Variants in TBC1D32 observed in about 807,000 individuals in gnomAD.
TBC1D32 encodes TBC1 domain family member 32, also known as protein broad-minded.
In TBC1D32, 151 loss-of-function variants were observed where a neutral mutation model predicts 170.3. That is an observed-to-expected ratio of 0.89 (90% CI 0.78 to 1.01). The LOEUF (loss-of-function observed/expected upper bound fraction) is 1.01, where lower values mean the gene tolerates loss of function less well. Ranked by LOEUF, TBC1D32 falls within the 50% of genes least tolerant of loss-of-function variation. TBC1D32 has a pLI of 0.00. For missense variants in TBC1D32, 1,464 were observed against 1,457.1 expected (o/e 1.00, Z -0.08); for synonymous variants, 498 against 488.0 (o/e 1.02, Z -0.27).
At chr6:121,256,963 T>C (rs139401871) in intron 15 of TBC1D32, among the ~76,000 whole-genome samples, 1,881 of 152,206 alleles carry the variant, frequency 0.012, 38 homozygotes, top group African/African-American at 0.043. Context: ...TGAGCCACCA[T>C]GCCCGGCCGG....
At chr6:121,244,605 T>C (rs998947561) in intron 17 of TBC1D32, among the ~76,000 whole-genome samples, 1 of 152,224 alleles carries the variant, frequency 6.6e-6, no homozygotes, top group Non-Finnish European at 1.5e-5. Context: ...TTTTCATTTT[T>C]ATTCATGCAC....
chr6:121,291,934 T>C lies in TBC1D32; in HGVS notation c.1372+119A>G, dbSNP rs185301308. ...CAAAGTGTATAAGCTATCAATAGAC[T>C]AAAAGGTATGTAGCTAAGTACCGTA... On this transcript the variant is annotated intron_variant, in intron 12 of 31. Coordinates refer to ENST00000398212, the MANE Select transcript of TBC1D32 (RefSeq NM_152730.6). 83 of 1,095,004 alleles carry C rather than the reference T, an allele frequency of 7.6e-5. 1 individual carries two copies. In the African/African-American group the frequency reaches 1.3e-3, roughly 17 times the overall value. The allele number at this position is 1,095,004 out of a possible 1,614,324, so 67.8% of individuals were successfully genotyped here. A position where few individuals can be genotyped will look rare whatever the true frequency, so the allele number is the denominator to read the frequency against.
intron 22 of TBC1D32, among the ~76,000 whole-genome samples, chr6:121,174,117 C>T (rs891914756): frequency 7.9e-5 from 12 of 151,334 alleles, no homozygotes; most frequent in African/African-American, 2.9e-4. Context: ...CATGAGCTGG[C>T]AGAGCTAAGG....
chr6:121,308,981 C>G (rs1034418271), intron 4 of TBC1D32, among the ~76,000 whole-genome samples: 3 of 152,086 alleles, frequency 2.0e-5, no homozygotes, highest in Non-Finnish European at 4.4e-5. Flanking sequence ...ACTGAAACAA[C>G]TAAAGCCTAG....
chr6:121,236,473 A>G lies in TBC1D32; in HGVS notation c.2364+2597T>C, dbSNP rs550482765. On this transcript the variant is annotated intron_variant, in intron 20 of 31. Coordinates refer to ENST00000398212, the MANE Select transcript of TBC1D32 (RefSeq NM_152730.6). ...GTATCTAGTTATATATCGAAACTACATAACTGTTTTCCACAATTTAAAAGA... is the reference window on the plus strand; with the variant it reads ...GTATCTAGTTATATATCGAAACTACGTAACTGTTTTCCACAATTTAAAAGA... 4.2e-4 allele frequency among the ~76,000 whole-genome samples: 64 copies of G among 152,252 alleles called. 4 individuals are homozygous for G. In the South Asian group the frequency reaches 0.013, roughly 31 times the overall value.
chr6:121,262,066 C>T (rs1799836916), intron 15 of TBC1D32, among the ~76,000 whole-genome samples: 1 of 151,942 alleles, frequency 6.6e-6, no homozygotes, highest in African/African-American at 2.4e-5. Flanking sequence ...TGAAATAAGG[C>T]AGGCTTAGAG....
At chr6:121,147,221 T>C (rs868066495) in intron 24 of TBC1D32, among the ~76,000 whole-genome samples, 9 of 152,210 alleles carry the variant, frequency 5.9e-5, no homozygotes, top group Admixed American at 6.5e-5. Flanking sequence ...CAATCCACAA[T>C]TGTTGGGCAC....
At chr6:121,109,732 A>G (rs534816974) in intron 29 of TBC1D32, among the ~76,000 whole-genome samples, 10 of 152,280 alleles carry the variant, frequency 6.6e-5, no homozygotes, top group African/African-American at 2.4e-4. Context: ...TTCAAAGGAT[A>G]ATTTTTCAAA....
chr6:121,148,180 C>T (rs1386820592), intron 24 of TBC1D32, among the ~76,000 whole-genome samples: 1 of 152,054 alleles, frequency 6.6e-6, no homozygotes, highest in Non-Finnish European at 1.5e-5. Flanking sequence ...GTTCCCCTCC[C>T]TGTGCCCATA....
At chr6:121,252,563 C>T (rs1460226492) in intron 17 of TBC1D32, among the ~76,000 whole-genome samples, 2 of 152,084 alleles carry the variant, frequency 1.3e-5, no homozygotes, top group African/African-American at 4.8e-5. Context: ...ACACCAGGGC[C>T]TCTCAGGGGG....
At chr6:121,313,114 G>C (rs1808460573) in intron 3 of TBC1D32, among the ~76,000 whole-genome samples, 1 of 17,318 alleles carries the variant, frequency 5.8e-5, no homozygotes, top group Non-Finnish European at 1.2e-4. Flanking sequence ...TGGTGTGTGT[G>C]TGTGTGTGTG....
intron 30 of TBC1D32, among the ~76,000 whole-genome samples, chr6:121,097,597 A>C (rs1334800635): frequency 2.0e-5 from 3 of 152,154 alleles, no homozygotes; most frequent in Admixed American, 6.6e-5. Flanking sequence ...TTTTGGTGGG[A>C]GTGTAAATTA....
intron 22 of TBC1D32, among the ~76,000 whole-genome samples, chr6:121,162,089 G>C (rs565737057): frequency 1.1e-4 from 17 of 152,212 alleles, no homozygotes; most frequent in Admixed American, 4.6e-4. Context: ...ATTAGGTGTT[G>C]TTAGATCTTT....
chr6:121,235,711 C>G (rs1179474545), intron 20 of TBC1D32, among the ~76,000 whole-genome samples: 1 of 152,174 alleles, frequency 6.6e-6, no homozygotes, highest in Admixed American at 6.5e-5. Flanking sequence ...CTCAGTTTTT[C>G]CACATCTCAG....
At chr6:121,215,852 CAG>C (rs1426017631) in intron 21 of TBC1D32, among the ~76,000 whole-genome samples, 1 of 152,170 alleles carries the variant, frequency 6.6e-6, no homozygotes, top group Non-Finnish European at 1.5e-5. Context: ...AAAAGAGTAA[CAG>C]ATGATGGTGA....
intron 30 of TBC1D32, among the ~76,000 whole-genome samples, chr6:121,102,698 G>A (rs1778252151): frequency 1.3e-5 from 2 of 151,882 alleles, no homozygotes; most frequent in Admixed American, 6.6e-5. Flanking sequence ...TCATGACTAA[G>A]ACACCAAAAG....
chr6:121,101,813 T>C (rs1340195479), intron 30 of TBC1D32, among the ~76,000 whole-genome samples: 1 of 152,140 alleles, frequency 6.6e-6, no homozygotes, highest in Non-Finnish European at 1.5e-5. Context: ...TGTTTGCAGA[T>C]GACATGATTG....
intron 1 of TBC1D32, among the ~76,000 whole-genome samples, chr6:121,323,888 C>G (rs1810102737): frequency 6.6e-6 from 1 of 152,074 alleles, no homozygotes; most frequent in African/African-American, 2.4e-5. Flanking sequence ...TGCAGTGAGC[C>G]AAGATTGCGC....
intron 22 of TBC1D32, among the ~76,000 whole-genome samples, chr6:121,173,254 T>C (rs1787315182): frequency 6.6e-6 from 1 of 152,182 alleles, no homozygotes; most frequent in Non-Finnish European, 1.5e-5. Flanking sequence ...GCCTCCAACA[T>C]TGAACTCCAA....
Sources: allele counts gnomAD v4.1 joint callset (sites outside exome capture counted in the v4.1 genomes callset), GRCh38; gene constraint gnomAD v4.1.1; transcripts MANE v1.5; gene names NCBI Gene and HGNC (gene_info 2026-07-23, HGNC 2026-07-21).